SREBF2: variants seen among roughly 807,000 people sequenced by gnomAD.
SREBF2 encodes sterol regulatory element-binding protein 2.
In SREBF2, 55 loss-of-function variants were observed where a neutral mutation model predicts 113.1. The observed-to-expected ratio is 0.49, with a 90% confidence interval of 0.39 to 0.61. SREBF2 has a LOEUF of 0.61. Among genes scored for constraint, SREBF2 ranks in the 20% least tolerant of loss-of-function variants. The probability of loss-of-function intolerance (pLI) is 0.00; values close to 1 mark genes in which losing one functional copy is unlikely to be tolerated. For missense variants in SREBF2, 1,349 were observed against 1,487.4 expected, an observed-to-expected ratio of 0.91 and a Z score of 1.53; for synonymous variants, 593 against 605.7, an observed-to-expected ratio of 0.98 and a Z score of 0.31.
intron 1 of SREBF2, among the ~76,000 whole-genome samples, chr22:41,842,985 C>T (rs563513891): frequency 2.3e-4 from 35 of 148,938 alleles, no homozygotes; most frequent in Non-Finnish European, 3.8e-4. Flanking sequence ...GCGAGACGTC[C>T]GTCTCAAAAA....
intron 1 of SREBF2, among the ~76,000 whole-genome samples, chr22:41,842,814 C>T (rs1362188625): frequency 6.6e-6 from 1 of 152,038 alleles, no homozygotes; most frequent in Non-Finnish European, 1.5e-5. Flanking sequence ...ATGGTGAAAC[C>T]CTGTCTCGAC....
In SREBF2 at chr22:41,873,942, A is replaced by G; in HGVS notation, c.1012A>G (p.Ile338Val). 1 of 1,614,158 alleles carries G rather than the reference A, an allele frequency of 6.2e-7. No homozygotes were observed. Residue 338 changes from isoleucine to valine, a missense_variant, in exon 5 of 19, where the codon ATT becomes GTT. By Grantham distance (29) the Ile-to-Val change is conservative. Coordinates refer to ENST00000361204, the MANE Select transcript of SREBF2 (RefSeq NM_004599.4). ...AGAAAGGCGGACAACCCATAATATC[A>G]TTGAGAAACGATATCGCTCCTCCAT... ...EGERRTTHNI[I>V]EKRYRSSIND...
chr22:41,874,230 G>A (rs183127216), intron 5 of SREBF2, among the ~76,000 whole-genome samples: 1 of 152,134 alleles, frequency 6.6e-6, no homozygotes, highest in Non-Finnish European at 1.5e-5. Context: ...GCAGTGACCC[G>A]CTGAGACCTT....
In SREBF2 at chr22:41,862,504, G is replaced by A. The variant is rs531599210; in HGVS notation, c.89-4327G>A. ...AGCTTTGTGGCCTGCCGTAGGAACT[G>A]GAGCTTCATTTTCAAAGCTCCATAA... On this transcript the variant is annotated intron_variant, in intron 1 of 18. Transcript: ENST00000361204. Among the ~76,000 whole-genome samples the A allele has an allele frequency of 1.2e-4, 18 of 152,220 alleles. No homozygotes were observed. In the South Asian group the frequency reaches 3.7e-3, roughly 32 times the overall value.
chr22:41,855,174 A>G (rs1426435369), intron 1 of SREBF2, among the ~76,000 whole-genome samples: 1 of 152,128 alleles, frequency 6.6e-6, no homozygotes, highest in Non-Finnish European at 1.5e-5. Context: ...AGGAGACTGC[A>G]AGAAACTGAT....
At chr22:41,879,956 C>T (rs2077229938) in intron 9 of SREBF2, among the ~76,000 whole-genome samples, 1 of 152,062 alleles carries the variant, frequency 6.6e-6, no homozygotes, top group African/African-American at 2.4e-5. Context: ...GGTGCTGTGG[C>T]TCACACTGAG....
chr22:41,867,784 G>A (rs1428253969), intron 2 of SREBF2, among the ~76,000 whole-genome samples: 3 of 151,738 alleles, frequency 2.0e-5, no homozygotes, highest in South Asian at 4.1e-4. Context: ...TCCAGCCTAG[G>A]CAACAGAGCG....
intron 1 of SREBF2, among the ~76,000 whole-genome samples, chr22:41,857,066 C>CAA (rs533566059): frequency 0.28 from 29,250 of 106,314 alleles, 3,504 homozygotes; most frequent in East Asian, 0.51. Flanking sequence ...GACTCTGTCT[C>CAA]AAAAAAAAAA....
Position 41,900,449 on chromosome 22 carries a change from G to C in SREBF2, c.2858G>C (p.Trp953Ser), listed in dbSNP as rs573718575. Reference protein sequence around the residue: ...CHCERASGHLWSSLNVSGATS... With the variant: ...CHCERASGHLSSSLNVSGATS... Reference sequence around the variant, plus strand: ...TGCGAGAGGGCCAGTGGCCACCTATGGAGCAGCCTCAACGTCAGTGGGGCC... The same window carrying C: ...TGCGAGAGGGCCAGTGGCCACCTATCGAGCAGCCTCAACGTCAGTGGGGCC... Residue 953 changes from tryptophan to serine, a missense_variant, in exon 16 of 19, where the codon TGG becomes TCG. Physicochemically the swap from Trp to Ser is radical, Grantham distance 177 (BLOSUM62 -3). Coordinates refer to ENST00000361204, the MANE Select transcript of SREBF2 (RefSeq NM_004599.4). 4.3e-6 allele frequency: 7 copies of C among 1,613,916 alleles called. No individual in the cohort carries two copies. In the African/African-American group the frequency reaches 9.3e-5, roughly 22 times the overall value.
intron 11 of SREBF2, among the ~76,000 whole-genome samples, 174 bp from the exon 12 acceptor site, chr22:41,892,943 C>T (rs1282065266): frequency 6.6e-6 from 1 of 152,190 alleles, no homozygotes; most frequent in Non-Finnish European, 1.5e-5. Flanking sequence ...TGGGCTTGCC[C>T]TAGTTTCCAT....
At chr22:41,881,076 AC>A in intron 10 of SREBF2, 84 bp downstream of exon 10, 5 of 1,534,610 alleles carry the variant, frequency 3.3e-6, no homozygotes, top group Non-Finnish European at 4.4e-6. Flanking sequence ...CCAGTTCTGC[AC>A]CCTAGCTGAA....
At chr22:41,889,757 TAAG>T (rs2077339041) in intron 11 of SREBF2, among the ~76,000 whole-genome samples, 1 of 150,018 alleles carries the variant, frequency 6.7e-6, no homozygotes, top group Non-Finnish European at 1.5e-5. Context: ...TCCCAGCACT[TAAG>T]GAGGCTGAGG....
rs762181406 is a variant in SREBF2, at chr22:41,904,871, G to A, written c.3102G>A (p.Leu1034=). 3 of 1,595,608 alleles carry A rather than the reference G, an allele frequency of 1.9e-6. No homozygotes were observed. Among genetic ancestry groups the A allele is most frequent in the Non-Finnish European group, 2.6e-6 (3 of 1,173,350 alleles). The change falls in exon 18 of 19, where the codon CTG becomes CTA. Residue 1034 remains leucine (L), a synonymous_variant. Transcript: ENST00000361204. Reference sequence around the variant, plus strand: ...CCCCGGCACCTCCCCAGGTGTTCCTGCATGAAGCCACCGTGCGCCTGATGG... The same window carrying A: ...CCCCGGCACCTCCCCAGGTGTTCCTACATGAAGCCACCGTGCGCCTGATGG... ...SFRPAYRKVF[L]HEATVRLMAG... is the part of the protein sequence containing the mutation.
intron 7 of SREBF2, among the ~76,000 whole-genome samples, chr22:41,876,538 A>G (rs549818158): frequency 2.0e-4 from 30 of 152,354 alleles, no homozygotes; most frequent in Middle Eastern, 6.8e-3. Context: ...GACATGCTAT[A>G]TACACATTGG....
At chr22:41,886,894 C>T (rs906799347) in intron 11 of SREBF2, among the ~76,000 whole-genome samples, 5 of 152,134 alleles carry the variant, frequency 3.3e-5, no homozygotes, top group Admixed American at 6.6e-5. Flanking sequence ...ATTAGCCAGG[C>T]GTGGTGGCAT....
At position 41,833,120 on chromosome 22, in the gene SREBF2, C is replaced by T. The variant is rs1214473430; in HGVS notation, c.-151C>T. The T allele has an allele frequency of 1.1e-5, 6 of 554,338 alleles. No individual in the cohort carries two copies. The East Asian group carries it at 2.1e-4, about 19-fold the overall frequency. 34.3% of individuals were successfully genotyped at this position (554,338 alleles called of 1,614,324 possible). On this transcript the variant is annotated 5_prime_UTR_variant, in exon 1 of 19. Transcript: ENST00000361204. This position sits in a 1 kb window ranked among gnomAD's most constrained non-coding sequence, Gnocchi z 4.1. ...CCGCCCCGCCCTTTCTGTGCGGCGCCCGGGCGCAACGCAAACATGGCGGCG... is the reference window on the plus strand; with the variant it reads ...CCGCCCCGCCCTTTCTGTGCGGCGCTCGGGCGCAACGCAAACATGGCGGCG...
At chr22:41,855,850 G>A (rs1019339001) in intron 1 of SREBF2, among the ~76,000 whole-genome samples, 2 of 151,656 alleles carry the variant, frequency 1.3e-5, no homozygotes, top group African/African-American at 2.4e-5. Context: ...TTGAACTCTG[G>A]CCTCAAGTGA....
At chr22:41,866,318 AGGTG>A (rs2077074000) in intron 1 of SREBF2, among the ~76,000 whole-genome samples, 1 of 151,844 alleles carries the variant, frequency 6.6e-6, no homozygotes, top group Non-Finnish European at 1.5e-5. Flanking sequence ...TGGGAGGCTG[AGGTG>A]GGTGGATCAC....
rs996862586 is a variant in SREBF2, at chr22:41,866,949, C to G, written c.207C>G (p.Ser69Arg). 1.9e-5 allele frequency: 30 copies of G among 1,613,382 alleles called. No homozygotes were observed. Among genetic ancestry groups the G allele is most frequent in the Non-Finnish European group, 2.4e-5 (28 of 1,179,554 alleles). Residue 69 changes from serine to arginine, a missense_variant, in exon 2 of 19, where the codon AGC (serine) becomes AGG (arginine). Physicochemically the swap from Ser to Arg is moderately radical, Grantham distance 110. Around this residue, in one of 2 missense-constraint regions of SREBF2, gnomAD observed 699 missense variants for 843.3 expected, o/e 0.83. Coordinates refer to ENST00000361204, the MANE Select transcript of SREBF2 (RefSeq NM_004599.4). The stretch of plus-strand genomic sequence containing the variant: ...GTAGCAGCAGCGGCAGCAGTGGCAG[C>G]AGCAGCAGCAGCAGCAATGGCAGGG... ...GSGSSSGSSG[S>R]SSSSSNGRGS...
Sources: allele counts gnomAD v4.1 joint callset (sites outside exome capture counted in the v4.1 genomes callset), GRCh38; gene constraint gnomAD v4.1.1; regional missense constraint gnomAD v4.1.1; non-coding constraint Gnocchi (gnomAD v3.1); transcripts MANE v1.5; gene names NCBI Gene and HGNC (gene_info 2026-07-23, HGNC 2026-07-21).